Variants in SF3B6 observed in about 807,000 individuals in gnomAD.
The protein encoded by SF3B6 is splicing factor 3b subunit 6.
In SF3B6, 3 loss-of-function variants were observed where a neutral mutation model predicts 15.9. That is an observed-to-expected ratio of 0.19 (90% confidence interval 0.09 to 0.49). The LOEUF (loss-of-function observed/expected upper bound fraction) is 0.49, where lower values mean the gene tolerates loss of function less well. Among genes scored for constraint, SF3B6 ranks in the 20% least tolerant of loss-of-function variants. The pLI, the probability that SF3B6 is intolerant of heterozygous loss-of-function variation, is 0.97. For missense variants in SF3B6, 71 were observed against 154.3 expected, an observed-to-expected ratio of 0.46 and a Z score of 2.86; for synonymous variants, 49 against 51.1, an observed-to-expected ratio of 0.96 and a Z score of 0.18.
chr2:24,068,808 G>C (rs1270170238), intron 2 of SF3B6, among the ~76,000 whole-genome samples: 1 of 152,136 alleles, frequency 6.6e-6, no homozygotes, highest in Non-Finnish European at 1.5e-5. Flanking sequence ...TTGCCACCCT[G>C]ACTGGCTCTA....
At chr2:24,071,811 C>A (rs1330718056) in intron 2 of SF3B6, among the ~76,000 whole-genome samples, 1 of 152,178 alleles carries the variant, frequency 6.6e-6, no homozygotes, top group Non-Finnish European at 1.5e-5. Context: ...AGGTTCTGAG[C>A]TGCTCTGCAC....
intron 1 of SF3B6, among the ~76,000 whole-genome samples, chr2:24,074,760 A>G (rs1212491593): frequency 1.3e-5 from 2 of 152,178 alleles, no homozygotes; most frequent in East Asian, 1.9e-4. Flanking sequence ...TCTTTCTTCC[A>G]TATCATGTTT....
At chr2:24,068,684 C>A (rs576606773) in intron 2 of SF3B6, among the ~76,000 whole-genome samples, 1 of 152,202 alleles carries the variant, frequency 6.6e-6, no homozygotes, top group Non-Finnish European at 1.5e-5. Flanking sequence ...TTTTGTTCTT[C>A]GTTTTTATCT....
intron 2 of SF3B6, 106 bp from the exon 3 acceptor site, chr2:24,068,565 A>C (rs1357003060): frequency 7.7e-6 from 8 of 1,039,836 alleles, no homozygotes; most frequent in Non-Finnish European, 9.7e-6. Flanking sequence ...AAAAACAGTA[A>C]ATTGAAATAC....
chr2:24,068,567 T>C, intron 2 of SF3B6, 108 bp from the exon 3 acceptor site: 4 of 1,016,738 alleles, frequency 3.9e-6, no homozygotes, highest in Admixed American at 5.3e-5. Context: ...AAACAGTAAA[T>C]TGAAATACGT....
In SF3B6 at chr2:24,072,583, A is replaced by G. The variant is rs193154965; in HGVS notation, c.149+1493T>C. Among the ~76,000 whole-genome samples, 137 of 152,342 alleles carry G rather than the reference A, an allele frequency of 9.0e-4. 2 individuals carry two copies. The East Asian group carries it at 0.022, about 25-fold the overall frequency. The stretch of plus-strand genomic sequence containing the variant: ...TCATCCAAATTAAAATTCTTTTAAG[A>G]CAGTAGGTTAGGAAGACTGTATTTC... On this transcript the variant is annotated intron_variant, in intron 2 of 3. Coordinates refer to ENST00000233468, the MANE Select transcript of SF3B6 (RefSeq NM_016047.4).
In SF3B6 at chr2:24,074,051, CTTTAAATGACTCAGTA is replaced by C; in HGVS notation, c.149+9_149+24del. 1 of 1,345,444 alleles carries C rather than the reference CTTTAAATGACTCAGTA, an allele frequency of 7.4e-7. No individual in the cohort carries two copies. Among genetic ancestry groups the C allele is most frequent in the Non-Finnish European group, 1.1e-6 (1 of 936,992 alleles). 83.3% of individuals were successfully genotyped at this position (1,345,444 alleles called of 1,614,324 possible). A position where few individuals can be genotyped will look rare whatever the true frequency, so the allele number is the denominator to read the frequency against. On this transcript the variant is annotated intron_variant, in intron 2 of 3. Transcript: ENST00000233468. ...AAATTACAGATTATGCTATCATTTT[CTTTAAATGACTCAGTA>C]AGACTCACACTCTGATTTGACGAAT...
intron 2 of SF3B6, 83 bp downstream of exon 2, chr2:24,073,993 C>T: frequency 1.2e-6 from 1 of 862,754 alleles, no homozygotes; most frequent in Non-Finnish European, 2.0e-6. Context: ...CTGCACACAG[C>T]ACAGGGTGGC....
intron 3 of SF3B6, 54 bp downstream of exon 3, chr2:24,068,267 C>A: frequency 6.4e-7 from 1 of 1,563,890 alleles, no homozygotes; most frequent in Non-Finnish European, 8.7e-7. Flanking sequence ...CCGGCCAGTT[C>A]TACACTAATT....
chr2:24,073,617 AT>A, intron 2 of SF3B6: 1 of 152,536 alleles, frequency 6.6e-6, no homozygotes, highest in Admixed American at 6.5e-5. Context: ...AGTTGAAAAT[AT>A]CATTTTTTTC....
At chr2:24,072,062 C>T (rs974358919) in intron 2 of SF3B6, among the ~76,000 whole-genome samples, 5 of 152,164 alleles carry the variant, frequency 3.3e-5, no homozygotes. Flanking sequence ...GGCTCACTCA[C>T]TGCAGCCTCA....
intron 2 of SF3B6, among the ~76,000 whole-genome samples, chr2:24,073,067 C>G (rs1429848707): frequency 6.6e-6 from 1 of 152,158 alleles, no homozygotes; most frequent in Non-Finnish European, 1.5e-5. Context: ...CACTTTCATC[C>G]CCATCTGAGT....
intron 3 of SF3B6, 109 bp from the exon 4 acceptor site, chr2:24,067,960 T>G (rs1664586897): frequency 2.3e-6 from 2 of 876,922 alleles, no homozygotes; most frequent in Admixed American, 3.8e-5. Context: ...ATCATCACAG[T>G]ACAGTTCTAC....
chr2:24,068,318 T>G lies in SF3B6; in HGVS notation c.288+3A>C, dbSNP rs1221067377. 6.2e-7 allele frequency: 1 copy of G among 1,611,590 alleles called. No homozygotes were observed. Among genetic ancestry groups the G allele is most frequent in the East Asian group, 2.2e-5 (1 of 44,882 alleles). On this transcript the variant is annotated splice_donor_region_variant and intron_variant, in intron 3 of 3. Coordinates refer to ENST00000233468, the MANE Select transcript of SF3B6 (RefSeq NM_016047.4). ...TACACAATGAGAACTTTGCTATACT[T>G]ACCCTGTTGGCATTATAGTACAAAA...
intron 1 of SF3B6, among the ~76,000 whole-genome samples, chr2:24,075,163 C>G (rs992052334): frequency 3.3e-5 from 5 of 152,006 alleles, no homozygotes; most frequent in Non-Finnish European, 7.4e-5. Flanking sequence ...AATTTCCCTA[C>G]TTCCTATTTA....
intron 1 of SF3B6, among the ~76,000 whole-genome samples, chr2:24,075,229 A>G (rs918891280): frequency 6.6e-6 from 1 of 151,974 alleles, no homozygotes; most frequent in African/African-American, 2.4e-5. Flanking sequence ...AACTTCCACC[A>G]TCTTTTCACC....
In SF3B6 at chr2:24,076,295, G is replaced by A; in HGVS notation, c.-66C>T. 4 of 1,585,400 alleles carry A rather than the reference G, an allele frequency of 2.5e-6. No homozygotes were observed. The South Asian group carries it at 4.4e-5, about 18-fold the overall frequency. ...TCCTCCGGAGCTCGCTCGGCTTCGG[G>A]GGTTACACCGCGTTAGATGCAGGAC... On this transcript the variant is annotated 5_prime_UTR_variant, in exon 1 of 4. Transcript: ENST00000233468.
rs549892243 is a variant in SF3B6, at chr2:24,074,009, C to T, written c.149+67G>A. 149 of 1,027,948 alleles carry T rather than the reference C, an allele frequency of 1.4e-4. 1 individual carries two copies. The highest frequency in any genetic ancestry group is 1.6e-4 in the Non-Finnish European group (106 of 651,612). 63.7% of individuals were successfully genotyped at this position (1,027,948 alleles called of 1,614,324 possible). ...TGCACACAGCACAGGGTGGCCTCATCGTCAGCTATAATTCTGAAATTACAG... is the reference window on the plus strand; with the variant it reads ...TGCACACAGCACAGGGTGGCCTCATTGTCAGCTATAATTCTGAAATTACAG... On this transcript the variant is annotated intron_variant, in intron 2 of 3. Coordinates refer to ENST00000233468, the MANE Select transcript of SF3B6 (RefSeq NM_016047.4).
intron 2 of SF3B6, among the ~76,000 whole-genome samples, chr2:24,069,209 G>A (rs1156871044): frequency 1.3e-5 from 2 of 152,232 alleles, no homozygotes; most frequent in South Asian, 2.1e-4. Flanking sequence ...CTAGGGAGAA[G>A]GGCTAGGCTT....
Sources: gnomAD v4.1 joint callset for allele counts (sites outside exome capture counted in the v4.1 genomes callset) on GRCh38, gnomAD v4.1.1 for gene constraint, MANE v1.5 for transcripts, NCBI Gene and HGNC (gene_info 2026-07-23, HGNC 2026-07-21) for gene names.